MDGA2: variants seen among roughly 807,000 people sequenced by gnomAD.
MDGA2 encodes the protein MAM domain-containing glycosylphosphatidylinositol anchor protein 2.
A neutral mutation model predicts 117.8 loss-of-function variants in MDGA2; 40 were observed. That is an observed-to-expected ratio of 0.34 (90% CI 0.26 to 0.44). MDGA2 has a LOEUF of 0.44. Ranked by LOEUF, MDGA2 falls within the 20% of genes least tolerant of loss-of-function variation. The pLI is 1.00. For missense variants in MDGA2, 1,123 were observed against 1,250.6 expected, an observed-to-expected ratio of 0.90 and a Z score of 1.54; for synonymous variants, 452 against 439.0, an observed-to-expected ratio of 1.03 and a Z score of -0.37.
chr14:47,571,108 C>G lies in MDGA2; in HGVS notation c.280+103409G>C, dbSNP rs188397474. Reference sequence around the variant, plus strand: ...AAAGTAGGTGAAGGATATAAACAGGCACTTCTCAAAAGAAGACATTTATGC... The same window carrying G: ...AAAGTAGGTGAAGGATATAAACAGGGACTTCTCAAAAGAAGACATTTATGC... On this transcript the variant is annotated intron_variant, in intron 1 of 16. Transcript: ENST00000399232. Among the ~76,000 whole-genome samples the G allele has an allele frequency of 2.0e-3, 309 of 152,250 alleles. 1 individual carries two copies. Among genetic ancestry groups the G allele is most frequent in the Admixed American group, 8.1e-3 (124 of 15,286 alleles).
chr14:47,602,281 G>T (rs1358347668), intron 1 of MDGA2, among the ~76,000 whole-genome samples: 1 of 152,022 alleles, frequency 6.6e-6, no homozygotes, highest in African/African-American at 2.4e-5. Context: ...AAAAACACGG[G>T]TAAGACCTAG....
chr14:47,138,682 A>G (rs1882572788), intron 4 of MDGA2, among the ~76,000 whole-genome samples: 2 of 152,194 alleles, frequency 1.3e-5, no homozygotes, highest in Non-Finnish European at 2.9e-5. Flanking sequence ...AATAAACTAG[A>G]ACTTTAAAAA....
intron 3 of MDGA2, among the ~76,000 whole-genome samples, chr14:47,146,214 A>G (rs777747840): frequency 1.1e-4 from 16 of 152,296 alleles, no homozygotes; most frequent in Non-Finnish European, 1.3e-4. Context: ...CCATTTTTTA[A>G]AAAGTTTTTT....
At chr14:47,332,562 A>C (rs1890323924) in intron 1 of MDGA2, among the ~76,000 whole-genome samples, 1 of 150,872 alleles carries the variant, frequency 6.6e-6, no homozygotes, top group Non-Finnish European at 1.5e-5. Flanking sequence ...ACTTAAAAAA[A>C]ATTCAAAACT....
intron 1 of MDGA2, among the ~76,000 whole-genome samples, chr14:47,401,943 G>A (rs575201405): frequency 1.3e-5 from 2 of 152,146 alleles, no homozygotes; most frequent in Admixed American, 6.5e-5. Context: ...CAAATGCCTC[G>A]TAACAAGTAA....
chr14:47,631,508 C>T (rs1416857527), intron 1 of MDGA2, among the ~76,000 whole-genome samples: 1 of 152,162 alleles, frequency 6.6e-6, no homozygotes, highest in Non-Finnish European at 1.5e-5. Flanking sequence ...CCCAACAAAG[C>T]CAAATTTCTT....
At chr14:47,013,185 C>T (rs1887956120) in intron 8 of MDGA2, among the ~76,000 whole-genome samples, 1 of 152,182 alleles carries the variant, frequency 6.6e-6, no homozygotes, top group Non-Finnish European at 1.5e-5. Context: ...CATGGTAGAA[C>T]TTCCTTCAAA....
At chr14:47,043,417 G>T (rs535130363) in intron 7 of MDGA2, among the ~76,000 whole-genome samples, 2 of 151,976 alleles carry the variant, frequency 1.3e-5, no homozygotes, top group South Asian at 4.1e-4. Context: ...TTTGTGTGTG[G>T]TGGTGGTTTG....
At chr14:47,465,393 A>G (rs1893580196) in intron 1 of MDGA2, among the ~76,000 whole-genome samples, 1 of 152,150 alleles carries the variant, frequency 6.6e-6, no homozygotes, top group South Asian at 2.1e-4. Flanking sequence ...GAGTAAACAG[A>G]CAACCTACAG....
At chr14:47,164,269 G>A (rs1023549048) in intron 3 of MDGA2, among the ~76,000 whole-genome samples, 7 of 152,126 alleles carry the variant, frequency 4.6e-5, no homozygotes, top group Non-Finnish European at 8.8e-5. Context: ...TGAAATTTTA[G>A]GCACATTCCA....
chr14:47,269,922 T>C (rs927808057), intron 2 of MDGA2, among the ~76,000 whole-genome samples: 3 of 152,176 alleles, frequency 2.0e-5, no homozygotes, highest in African/African-American at 7.2e-5. Context: ...TGCAACCCAT[T>C]ACATCAGCCA....
At chr14:47,028,179 T>G (rs1246225044) in intron 8 of MDGA2, among the ~76,000 whole-genome samples, 1 of 152,126 alleles carries the variant, frequency 6.6e-6, no homozygotes, top group Non-Finnish European at 1.5e-5. Context: ...TGGCAATGGA[T>G]ATATAGTCTT....
intron 1 of MDGA2, among the ~76,000 whole-genome samples, chr14:47,541,237 A>C (rs957837120): frequency 6.6e-6 from 1 of 152,190 alleles, no homozygotes; most frequent in Non-Finnish European, 1.5e-5. Flanking sequence ...GACTTTTCAA[A>C]AGTGGAATAA....
At chr14:47,667,951 G>A (rs868335119) in intron 1 of MDGA2, among the ~76,000 whole-genome samples, 3 of 152,180 alleles carry the variant, frequency 2.0e-5, no homozygotes, top group African/African-American at 4.8e-5. Context: ...ATGCAAAGTT[G>A]TAGAGACACA....
intron 1 of MDGA2, among the ~76,000 whole-genome samples, chr14:47,550,575 G>GA (rs1416536153): frequency 2.0e-5 from 3 of 151,730 alleles, no homozygotes; most frequent in Non-Finnish European, 4.4e-5. Flanking sequence ...ATTTGGTGAA[G>GA]AAAATCACAG....
intron 2 of MDGA2, among the ~76,000 whole-genome samples, chr14:47,269,218 T>C (rs1416020977): frequency 6.6e-6 from 1 of 152,164 alleles, no homozygotes; most frequent in African/African-American, 2.4e-5. Context: ...TTTTTTTTGG[T>C]GAAGCTATGT....
chr14:47,195,602 T>A (rs1415676425), intron 3 of MDGA2, among the ~76,000 whole-genome samples: 5 of 152,014 alleles, frequency 3.3e-5, no homozygotes, highest in Admixed American at 6.6e-5. Flanking sequence ...AAACTGAAAA[T>A]CATATAAAAA....
At position 46,975,484 on chromosome 14, in the gene MDGA2, T is replaced by C. The variant is rs569478266; in HGVS notation, c.1820-17841A>G. On this transcript the variant is annotated intron_variant, in intron 8 of 16. Transcript: ENST00000399232. ...GAATGGATAAGCAAAATGAGGTCTA[T>C]GCATACAATAGAATATCAATCAGCT... Among the ~76,000 whole-genome samples the C allele has an allele frequency of 8.5e-5, 13 of 152,236 alleles. No homozygotes were observed. The South Asian group carries it at 2.5e-3, about 29-fold the overall frequency.
intron 1 of MDGA2, among the ~76,000 whole-genome samples, chr14:47,551,974 C>G (rs565312170): frequency 6.6e-6 from 1 of 152,194 alleles, no homozygotes; most frequent in South Asian, 2.1e-4. Flanking sequence ...AGTTATTTTT[C>G]TGTTTTCCAG....
Sources: allele counts gnomAD v4.1 joint callset (sites outside exome capture counted in the v4.1 genomes callset), GRCh38; gene constraint gnomAD v4.1.1; transcripts MANE v1.5; gene names NCBI Gene and HGNC (gene_info 2026-07-23, HGNC 2026-07-21).